Variants in STAB2 observed in about 807,000 individuals in gnomAD.
The protein encoded by STAB2 is stabilin-2.
In STAB2, 288 loss-of-function variants were observed where a neutral mutation model predicts 338.1. The ratio of observed to expected loss-of-function variants is 0.85; its 90% CI spans 0.77 to 0.94. The LOEUF (loss-of-function observed/expected upper bound fraction) is 0.94. Ranked by LOEUF, STAB2 falls within the 40% of genes least tolerant of loss-of-function variation. The probability of loss-of-function intolerance (pLI) is 0.00; values close to 1 mark genes in which losing one functional copy is unlikely to be tolerated. For missense variants in STAB2, 3,141 were observed against 3,210.1 expected (o/e 0.98, Z 0.52); for synonymous variants, 1,202 against 1,193.3 (o/e 1.01, Z -0.15).
chr12:103,765,604 C>T (rs781226263), intron 68 of STAB2, among the ~76,000 whole-genome samples: 4 of 152,204 alleles, frequency 2.6e-5, no homozygotes, highest in East Asian at 1.9e-4. Flanking sequence ...TGGTGTGTCA[C>T]GCAGGCTGGA....
At chr12:103,707,060 C>G (rs1879434196) in intron 38 of STAB2, 73 bp downstream of exon 38, 2 of 1,522,764 alleles carry the variant, frequency 1.3e-6, no homozygotes, top group East Asian at 4.7e-5. Flanking sequence ...AAAGAGTGAT[C>G]CCACACGTGC....
chr12:103,626,479 T>C lies in STAB2; in HGVS notation c.487+4368T>C, dbSNP rs78713289. Among the ~76,000 whole-genome samples the C allele has an allele frequency of 4.2e-3, 643 of 152,318 alleles. 3 individuals carry two copies. Among genetic ancestry groups the C allele is most frequent in the African/African-American group, 0.015 (616 of 41,568 alleles). On this transcript the variant is annotated intron_variant, in intron 5 of 68. Transcript: ENST00000388887. ...TCTATAAAACAGGAATAATAACATCTATTTCTTGGGATTGACAACACAGCA... is the reference window on the plus strand; with the variant it reads ...TCTATAAAACAGGAATAATAACATCCATTTCTTGGGATTGACAACACAGCA...
intron 15 of STAB2, chr12:103,658,113 G>A (rs1463291360): frequency 1.3e-5 from 2 of 152,250 alleles, no homozygotes. Context: ...AAGAGAGCAA[G>A]ACACCTGCCC....
chr12:103,629,904 T>C (rs1957434336), intron 5 of STAB2, among the ~76,000 whole-genome samples: 1 of 152,176 alleles, frequency 6.6e-6, no homozygotes, highest in African/African-American at 2.4e-5. Context: ...ATAAGTGTTT[T>C]GAAGGAAGGA....
chr12:103,608,478 T>C (rs180785954), intron 3 of STAB2, among the ~76,000 whole-genome samples: 1 of 152,340 alleles, frequency 6.6e-6, no homozygotes, highest in East Asian at 1.9e-4. Context: ...TTTGGCTGCA[T>C]AAATGTCTTC....
chr12:103,700,033 G>C (rs1878726716), intron 34 of STAB2, among the ~76,000 whole-genome samples: 2 of 152,178 alleles, frequency 1.3e-5, no homozygotes, highest in Non-Finnish European at 2.9e-5. Flanking sequence ...TATTATCATT[G>C]TATAACCATA....
intron 40 of STAB2, 68 bp downstream of exon 40, chr12:103,711,584 G>A (rs1319820043): frequency 9.7e-6 from 15 of 1,552,784 alleles, no homozygotes; most frequent in Non-Finnish European, 1.2e-5. Flanking sequence ...GTCTACCCTA[G>A]TCTCTATCCT....
At chr12:103,698,297 T>G (rs557956530) in intron 33 of STAB2, among the ~76,000 whole-genome samples, 1 of 152,264 alleles carries the variant, frequency 6.6e-6, no homozygotes, top group Non-Finnish European at 1.5e-5. Flanking sequence ...TCTCCTCTCC[T>G]TCCCCACAGG....
At chr12:103,681,623 T>C (rs113363100) in intron 25 of STAB2, among the ~76,000 whole-genome samples, 4,471 of 139,938 alleles carry the variant, frequency 0.032, 253 homozygotes, top group African/African-American at 0.11. Context: ...CTTTTTTTTT[T>C]TTTTTTTTTT....
At chr12:103,593,616 T>A (rs536696147) in intron 2 of STAB2, among the ~76,000 whole-genome samples, 5 of 152,358 alleles carry the variant, frequency 3.3e-5, no homozygotes, top group African/African-American at 9.6e-5. Context: ...AGTATGTGAC[T>A]GTGCTATTAA....
chr12:103,700,111 A>C (rs1878733596), intron 34 of STAB2, among the ~76,000 whole-genome samples: 1 of 152,240 alleles, frequency 6.6e-6, no homozygotes, highest in Non-Finnish European at 1.5e-5. Context: ...CTCACATGAT[A>C]CCTAAATATT....
At position 103,591,499 on chromosome 12, in the gene STAB2, A is replaced by G. The variant is rs561636532; in HGVS notation, c.215+469A>G. The stretch of plus-strand genomic sequence containing the variant: ...AACTATATCTCAAAAAATAAAATAT[A>G]TATTGTTATTCATTCACATTTTAAT... On this transcript the variant is annotated intron_variant, in intron 2 of 68. Coordinates refer to ENST00000388887, the MANE Select transcript of STAB2 (RefSeq NM_017564.10). Among the ~76,000 whole-genome samples the G allele has an allele frequency of 6.6e-5, 10 of 152,266 alleles. No homozygotes were observed. The East Asian group carries it at 1.9e-3, about 29-fold the overall frequency.
chr12:103,653,035 C>T (rs1249268507), intron 12 of STAB2, among the ~76,000 whole-genome samples: 1 of 152,154 alleles, frequency 6.6e-6, no homozygotes, highest in Non-Finnish European at 1.5e-5. Context: ...CAGCACAAAG[C>T]CAGATCAGCA....
chr12:103,677,528 T>C lies in STAB2; in HGVS notation c.2722T>C (p.Cys908Arg). Reference protein sequence around the residue: ...QQGWTGNGRDCSEINNCLLPS... With the variant: ...QQGWTGNGRDRSEINNCLLPS... ...GGGTTGGACAGGGAATGGGAGAGAC[T>C]GCTCGGAGATCAACAACTGCCTGCT... Residue 908 changes from cysteine to arginine, a missense_variant, in exon 25 of 69, where the codon TGC (cysteine) becomes CGC (arginine). Coordinates refer to ENST00000388887, the MANE Select transcript of STAB2 (RefSeq NM_017564.10). 2 of 1,614,162 alleles carry C rather than the reference T, an allele frequency of 1.2e-6. No individual in the cohort carries two copies. The highest frequency in any genetic ancestry group is 1.7e-6 in the Non-Finnish European group (2 of 1,179,990).
chr12:103,707,911 A>AAC (rs1879508555), intron 38 of STAB2, among the ~76,000 whole-genome samples: 1 of 152,138 alleles, frequency 6.6e-6, no homozygotes, highest in Non-Finnish European at 1.5e-5. Context: ...CTAAAATGGG[A>AAC]TTTGTAGATG....
chr12:103,715,155 A>T (rs1015227664), intron 42 of STAB2, among the ~76,000 whole-genome samples: 1 of 151,984 alleles, frequency 6.6e-6, no homozygotes, highest in Non-Finnish European at 1.5e-5. Context: ...GATGTTTTTC[A>T]TTCTTAGATT....
chr12:103,601,072 G>A (rs1956947060), intron 3 of STAB2, among the ~76,000 whole-genome samples: 1 of 152,230 alleles, frequency 6.6e-6, no homozygotes, highest in Non-Finnish European at 1.5e-5. Context: ...AGCTGAATGG[G>A]AATCCTTATC....
At chr12:103,669,316 C>A (rs373171534) in intron 20 of STAB2, 2 of 489,678 alleles carry the variant, frequency 4.1e-6, no homozygotes, top group Non-Finnish European at 7.3e-6. Context: ...TCTGTCTGTT[C>A]GCACAGTGTT....
intron 19 of STAB2, among the ~76,000 whole-genome samples, chr12:103,668,184 A>G (rs543765945): frequency 6.6e-6 from 1 of 152,350 alleles, no homozygotes; most frequent in East Asian, 1.9e-4. Flanking sequence ...AAGGATGCAT[A>G]TAAATCTGCC....
Sources: gnomAD v4.1 joint callset for allele counts (sites outside exome capture counted in the v4.1 genomes callset) on GRCh38, gnomAD v4.1.1 for gene constraint, MANE v1.5 for transcripts, NCBI Gene and HGNC (gene_info 2026-07-23, HGNC 2026-07-21) for gene names.